Variants in FBXO9 observed in about 807,000 individuals in gnomAD.
FBXO9 encodes F-box only protein 9.
FBXO9 carries 43 observed loss-of-function variants against 63.7 expected under a neutral mutation model. The ratio of observed to expected loss-of-function variants is 0.67; its 90% CI spans 0.53 to 0.87. The LOEUF (loss-of-function observed/expected upper bound fraction) is 0.87, where lower values mean the gene tolerates loss of function less well. Ranked by LOEUF, FBXO9 falls within the 40% of genes least tolerant of loss-of-function variation. The pLI is 0.00. For missense variants in FBXO9, 442 were observed against 533.2 expected, an observed-to-expected ratio of 0.83 and a Z score of 1.68; for synonymous variants, 156 against 171.7, an observed-to-expected ratio of 0.91 and a Z score of 0.72.
intron 9 of FBXO9, 22 bp downstream of exon 9, chr6:53,092,846 T>C: frequency 6.7e-7 from 1 of 1,496,876 alleles, no homozygotes; most frequent in Non-Finnish European, 9.2e-7. Flanking sequence ...GTACACTGAG[T>C]GAGTGGAAAA....
At chr6:53,086,273 T>C (rs1223576747) in intron 7 of FBXO9, among the ~76,000 whole-genome samples, 1 of 152,216 alleles carries the variant, frequency 6.6e-6, no homozygotes, top group African/African-American at 2.4e-5. Context: ...AAAACAAAAT[T>C]GCTGGCCACT....
rs1273562333 is a variant in FBXO9 at position 53,089,059 on chromosome 6, G to T, written c.654-3370G>T. On this transcript the variant is annotated intron_variant, in intron 7 of 12. Coordinates refer to ENST00000323557, the MANE Select transcript of FBXO9 (RefSeq NM_033480.3). The stretch of plus-strand genomic sequence containing the variant: ...CCTCAGCCTCTGTAGCCCTAGTGGG[G>T]TTTTTTTTTGTTTGTTTTTGTTTTT... Among the ~76,000 whole-genome samples, 5 of 148,074 alleles carry T rather than the reference G, an allele frequency of 3.4e-5. No individual in the cohort carries two copies. The East Asian group carries it at 1.0e-3, about 30-fold the overall frequency.
chr6:53,093,359 C>A, intron 9 of FBXO9, 107 bp from the exon 10 acceptor site: 1 of 639,012 alleles, frequency 1.6e-6, no homozygotes, highest in South Asian at 2.4e-5. Flanking sequence ...CGTGGTATTT[C>A]AGTGTTGGTT....
intron 7 of FBXO9, chr6:53,091,030 G>A (rs1581828883): frequency 1.3e-5 from 2 of 152,272 alleles, no homozygotes; most frequent in East Asian, 3.9e-4. Flanking sequence ...GATTATTTGA[G>A]CCTAGGAGTT....
At position 53,093,932 on chromosome 6, in the gene FBXO9, A is replaced by G. The variant is rs1203371217; in HGVS notation, c.1007A>G (p.Asp336Gly). Residue 336 changes from aspartate (D) to glycine (G), a missense_variant, in exon 11 of 13, where the codon GAC (aspartate) becomes GGC (glycine). By Grantham distance (94) the Asp-to-Gly change is moderately conservative. Coordinates refer to ENST00000323557, the MANE Select transcript of FBXO9 (RefSeq NM_033480.3). ...CACTATCGCTTGTCACAAGACACAG[A>G]CAATCAGACCAAAGTATTTGCTGTA... is the stretch of plus-strand genomic sequence containing the variant. ...LGHYRLSQDTDNQTKVFAVIT... is the reference protein window; with the variant it reads ...LGHYRLSQDTGNQTKVFAVIT... 6.4e-7 allele frequency: 1 copy of G among 1,555,524 alleles called. No homozygotes were observed. Among genetic ancestry groups the G allele is most frequent in the East Asian group, 2.4e-5 (1 of 41,434 alleles).
rs932121383 is a variant in FBXO9, at chr6:53,099,275, C to T, written c.*1445C>T. 2 of 151,024 alleles carry T rather than the reference C, an allele frequency of 1.3e-5. No homozygotes were observed. Among genetic ancestry groups the T allele is most frequent in the African/African-American group, 4.9e-5 (2 of 40,946 alleles). 9.4% of individuals were successfully genotyped at this position (151,024 alleles called of 1,614,324 possible). On this transcript the variant is annotated 3_prime_UTR_variant, in exon 13 of 13. Transcript: ENST00000323557. ...AAGTACAGTGGGGCACACCTATAGT[C>T]GCAGCTACTTGGGAGGCTGGGGCAG...
At chr6:53,077,719 C>T (rs1429408343) in intron 4 of FBXO9, among the ~76,000 whole-genome samples, 2 of 152,108 alleles carry the variant, frequency 1.3e-5, no homozygotes, top group Non-Finnish European at 2.9e-5. Flanking sequence ...CATTTATATG[C>T]AAGTTTCTTC....
chr6:53,076,755 AACTT>A lies in FBXO9; in HGVS notation c.307+218_307+221del, dbSNP rs542585037. 2.6e-3 allele frequency among the ~76,000 whole-genome samples: 388 copies of A among 151,750 alleles called. 2 individuals carry two copies. The highest frequency in any genetic ancestry group is 0.011 in the Admixed American group (170 of 15,218). ...TATGAATGGTGTAATATTTACATAT[AACTT>A]ACTTATTATGTAAATAGTTATTATA... On this transcript the variant is annotated intron_variant, in intron 4 of 12. Coordinates refer to ENST00000323557, the MANE Select transcript of FBXO9 (RefSeq NM_033480.3).
chr6:53,097,761 C>T lies in FBXO9; in HGVS notation c.1245C>T (p.Asp415=), dbSNP rs374493046. 1.8e-5 allele frequency: 29 copies of T among 1,606,422 alleles called. No homozygotes were observed. In the African/African-American group the frequency reaches 3.6e-4, roughly 20 times the overall value. The change falls in exon 13 of 13, where the codon GAC becomes GAT. Residue 415 remains aspartate (D), a synonymous_variant. Coordinates refer to ENST00000323557, the MANE Select transcript of FBXO9 (RefSeq NM_033480.3). ...GETAVSAFEI[D]KMYTPLFFAR... ...CTGCAGTCAGTGCTTTTGAGATTGA[C>T]AAGATGTACACCCCCTTGTTCTTCG...
At position 53,066,080 on chromosome 6, in the gene FBXO9, C is replaced by T. The variant is rs906404038; in HGVS notation, c.3+288C>T. ...AGCCGGGGAAAATGTCCCTTCTCGG[C>T]TCACTGAGTATATTGAACCAGTCTC... is the stretch of plus-strand genomic sequence containing the variant. On this transcript the variant is annotated intron_variant, in intron 1 of 12. Transcript: ENST00000323557. 16 of 1,208,388 alleles carry T rather than the reference C, an allele frequency of 1.3e-5. No individual in the cohort carries two copies. The African/African-American group carries it at 2.0e-4, about 15-fold the overall frequency. 74.9% of individuals were successfully genotyped at this position (1,208,388 alleles called of 1,614,324 possible).
chr6:53,085,592 A>G (rs965268004), intron 7 of FBXO9, among the ~76,000 whole-genome samples: 14 of 151,936 alleles, frequency 9.2e-5, no homozygotes, highest in Admixed American at 9.2e-4. Flanking sequence ...GAATACTCAC[A>G]TTAATAACAT....
At chr6:53,084,849 CT>C (rs1769430347) in intron 7 of FBXO9, among the ~76,000 whole-genome samples, 1 of 151,858 alleles carries the variant, frequency 6.6e-6, no homozygotes, top group Admixed American at 6.6e-5. Context: ...TCTCTTGAGG[CT>C]AGGAAGTCAA....
At chr6:53,085,247 C>G (rs888036975) in intron 7 of FBXO9, among the ~76,000 whole-genome samples, 1 of 152,092 alleles carries the variant, frequency 6.6e-6, no homozygotes, top group Non-Finnish European at 1.5e-5. Context: ...ATTAGCAGTT[C>G]AATGAACCCA....
At chr6:53,090,923 C>T (rs538876468) in intron 7 of FBXO9, 1 of 152,106 alleles carries the variant, frequency 6.6e-6, no homozygotes, top group Admixed American at 6.5e-5. Flanking sequence ...TGCTATATTG[C>T]CCAGGCTAGT....
chr6:53,079,535 G>A (rs1274862945), intron 5 of FBXO9, among the ~76,000 whole-genome samples: 2 of 152,062 alleles, frequency 1.3e-5, no homozygotes, highest in African/African-American at 4.8e-5. Context: ...GTTTTATATG[G>A]ATAAAGATCA....
At chr6:53,087,170 C>T (rs897053975) in intron 7 of FBXO9, among the ~76,000 whole-genome samples, 5 of 151,764 alleles carry the variant, frequency 3.3e-5, no homozygotes, top group Admixed American at 1.3e-4. Flanking sequence ...GACGAAACCC[C>T]GTCTCTATGA....
At chr6:53,094,796 G>A (rs773117609) in intron 11 of FBXO9, 27 of 436,186 alleles carry the variant, frequency 6.2e-5, no homozygotes, top group Non-Finnish European at 1.1e-4. Context: ...GCAGCAGCCT[G>A]AGAGACAGAG....
rs377758490 is a variant in FBXO9 at position 53,081,058 on chromosome 6, G to A, written c.498G>A (p.Leu166=). The A allele has an allele frequency of 5.6e-6, 9 of 1,612,922 alleles. No homozygotes were observed. In the African/African-American group the frequency reaches 9.3e-5, roughly 17 times the overall value. The change falls in exon 6 of 13, where the codon CTG becomes CTA. Residue 166 remains leucine (L), a synonymous_variant. Transcript: ENST00000323557. ...CATTTCAGGAGTCTGTGCTTAAACT[G>A]TGTCAGCCTGAGCTTGAGAGCAGTC... ...QLTFQESVLK[L]CQPELESSQI... is the part of the protein sequence containing the mutation.
intron 3 of FBXO9, among the ~76,000 whole-genome samples, chr6:53,075,737 A>AAT (rs1769080415): frequency 9.7e-6 from 1 of 102,934 alleles, no homozygotes; most frequent in Non-Finnish European, 1.8e-5. Flanking sequence ...ATATATAATT[A>AAT]TTTTTTTTTT....
Sources: allele counts gnomAD v4.1 joint callset (sites outside exome capture counted in the v4.1 genomes callset), GRCh38; gene constraint gnomAD v4.1.1; transcripts MANE v1.5; gene names NCBI Gene and HGNC (gene_info 2026-07-23, HGNC 2026-07-21).